Variants in GALNT13 observed in about 807,000 individuals in gnomAD.
GALNT13 encodes the protein UDP-GalNAc:polypeptide N-acetylgalactosaminyltransferase 13.
GALNT13 carries 28 observed loss-of-function variants against 64.2 expected under a neutral mutation model. That is an observed-to-expected ratio of 0.44 (90% CI 0.32 to 0.60). The LOEUF is 0.60. Among genes scored for constraint, GALNT13 ranks in the 20% least tolerant of loss-of-function variants. The pLI, the probability that GALNT13 is intolerant of heterozygous loss-of-function variation, is 0.05. For missense variants in GALNT13, 577 were observed against 669.8 expected, an observed-to-expected ratio of 0.86 and a Z score of 1.53; for synonymous variants, 214 against 224.6, an observed-to-expected ratio of 0.95 and a Z score of 0.42.
At chr2:153,397,473 G>A in the GALNT13 span, among the ~76,000 whole-genome samples, 4 of 152,024 alleles carry the variant, frequency 2.6e-5, no homozygotes, top group South Asian at 2.1e-4. Flanking sequence ...AGACCACAAC[G>A]TACGATCTGA....
At chr2:153,240,379 A>G in the GALNT13 span, among the ~76,000 whole-genome samples, 2 of 152,090 alleles carry the variant, frequency 1.3e-5, no homozygotes, top group Non-Finnish European at 2.9e-5. Context: ...GGCTTTGTCT[A>G]GGCAGTGGGC....
At chr2:153,712,559 G>A in the GALNT13 span, among the ~76,000 whole-genome samples, 1 of 152,116 alleles carries the variant, frequency 6.6e-6, no homozygotes, top group African/African-American at 2.4e-5. Flanking sequence ...GGACATTATG[G>A]TAGCGTAGAA....
chr2:153,901,188 G>A (rs1009341413), intron 2 of GALNT13, among the ~76,000 whole-genome samples, 181 bp downstream of exon 2: 4 of 152,050 alleles, frequency 2.6e-5, no homozygotes, highest in African/African-American at 9.7e-5. Context: ...TGTTCTGTGT[G>A]TCTCTTTTTG....
At chr2:154,229,892 G>A (rs982894954) in intron 4 of GALNT13, among the ~76,000 whole-genome samples, 6 of 152,074 alleles carry the variant, frequency 3.9e-5, no homozygotes, top group Non-Finnish European at 5.9e-5. Flanking sequence ...TAGGAAGGAA[G>A]AGTCATCAAA....
At chr2:154,076,127 C>T (rs537269290) in intron 3 of GALNT13, among the ~76,000 whole-genome samples, 1 of 151,620 alleles carries the variant, frequency 6.6e-6, no homozygotes, top group East Asian at 1.9e-4. Flanking sequence ...ATTATAGTAC[C>T]CAATCTGAAA....
chr2:154,147,247 G>T (rs1478911491), intron 4 of GALNT13, among the ~76,000 whole-genome samples: 1 of 151,608 alleles, frequency 6.6e-6, no homozygotes, highest in Non-Finnish European at 1.5e-5. Context: ...CATTTATCGG[G>T]ACCTAATTGT....
chr2:153,587,737 T>C, the GALNT13 span, among the ~76,000 whole-genome samples: 1 of 152,298 alleles, frequency 6.6e-6, no homozygotes, highest in Non-Finnish European at 1.5e-5. Context: ...ATATCTCATG[T>C]CTTCACATTT....
chr2:153,239,970 CTT>C, the GALNT13 span, among the ~76,000 whole-genome samples: 1 of 152,078 alleles, frequency 6.6e-6, no homozygotes, highest in African/African-American at 2.4e-5. Flanking sequence ...TACAGGGAGA[CTT>C]TGTGTTACAG....
chr2:153,122,140 A>G, the GALNT13 span, among the ~76,000 whole-genome samples: 78 of 152,236 alleles, frequency 5.1e-4, no homozygotes, highest in Non-Finnish European at 6.6e-4. Context: ...AGTTTTGATT[A>G]AAAATAATTT....
intron 9 of GALNT13, among the ~76,000 whole-genome samples, chr2:154,354,620 T>TA (rs60192217): frequency 1.3e-5 from 1 of 79,078 alleles, no homozygotes; most frequent in South Asian, 4.5e-4. Flanking sequence ...AATCTCACTT[T>TA]TTTTTTTTTT....
the GALNT13 span, among the ~76,000 whole-genome samples, chr2:153,116,580 C>A: frequency 7.9e-5 from 12 of 152,130 alleles, no homozygotes; most frequent in East Asian, 1.6e-3. Context: ...CAGTTGGCTG[C>A]AAATGATATT....
At chr2:153,390,726 C>G in the GALNT13 span, among the ~76,000 whole-genome samples, 1 of 151,998 alleles carries the variant, frequency 6.6e-6, no homozygotes, top group East Asian at 1.9e-4. Context: ...TTACTGCAGT[C>G]ATTTTTCATC....
chr2:153,215,851 G>T, the GALNT13 span, among the ~76,000 whole-genome samples: 1 of 151,368 alleles, frequency 6.6e-6, no homozygotes, highest in Non-Finnish European at 1.5e-5. Context: ...TTATGTAACA[G>T]TAAAATCCAC....
chr2:154,442,157 T>C (rs1701329181), intron 12 of GALNT13, among the ~76,000 whole-genome samples: 1 of 152,170 alleles, frequency 6.6e-6, no homozygotes, highest in Non-Finnish European at 1.5e-5. Context: ...ATTTCTCATT[T>C]TTTTAATAGG....
chr2:153,542,263 T>G, the GALNT13 span, among the ~76,000 whole-genome samples: 13 of 151,976 alleles, frequency 8.6e-5, no homozygotes, highest in Non-Finnish European at 5.9e-5. Context: ...GAGGTTGCAG[T>G]GAGCTGAGAT....
the GALNT13 span, among the ~76,000 whole-genome samples, chr2:153,242,735 T>C: frequency 6.6e-6 from 1 of 152,230 alleles, no homozygotes; most frequent in African/African-American, 2.4e-5. Context: ...ATTGTTTTTC[T>C]CCATTTTATC....
Position 154,042,402 on chromosome 2 carries a change from G to GA in GALNT13, c.142+97771dup, listed in dbSNP as rs70981695. Among the ~76,000 whole-genome samples the GA allele has an allele frequency of 7.1e-4, 98 of 137,556 alleles. 4 individuals are homozygous for GA. Among genetic ancestry groups the GA allele is most frequent in the African/African-American group, 2.4e-3 (96 of 40,566 alleles). The allele number at this position is 137,556 out of a possible 152,430, so 90.2% of individuals were successfully genotyped here. On this transcript the variant is annotated intron_variant, in intron 3 of 12. Transcript: ENST00000392825. ...AAGAAATACCTTATAGTCAGTGGGG[G>GA]AAAAAAAACTAGCAGACTTTTACTA...
chr2:154,184,943 T>TG, intron 4 of GALNT13, among the ~76,000 whole-genome samples: 1 of 152,278 alleles, frequency 6.6e-6, no homozygotes, highest in Admixed American at 6.5e-5. Context: ...TACTTACCTT[T>TG]GCCAGTGAGT....
chr2:153,914,781 C>T (rs1228283729), intron 2 of GALNT13, among the ~76,000 whole-genome samples: 1 of 152,064 alleles, frequency 6.6e-6, no homozygotes, highest in Non-Finnish European at 1.5e-5. Flanking sequence ...ATAGTTTTTT[C>T]AGTGTTTTTT....
Sources: gnomAD v4.1 joint callset for allele counts (sites outside exome capture counted in the v4.1 genomes callset) on GRCh38, gnomAD v4.1.1 for gene constraint, MANE v1.5 for transcripts, NCBI Gene and HGNC (gene_info 2026-07-23, HGNC 2026-07-21) for gene names.